The following ARFGAP3 variants were observed in gnomAD, a reference collection of about 807,000 sequenced individuals.
The protein encoded by ARFGAP3 is ARF GTPase activating protein 3, also known as ADP-ribosylation factor GTPase-activating protein 3.
In ARFGAP3, 72 loss-of-function variants were observed where a neutral mutation model predicts 75.0. That is an observed-to-expected ratio of 0.96 (90% CI 0.79 to 1.17). The LOEUF is 1.17. Ranked by LOEUF, ARFGAP3 falls within the 50% of genes most tolerant of loss-of-function variation. ARFGAP3 has a pLI of 0.00. For synonymous variants in ARFGAP3, 221 were observed against 217.9 expected (o/e 1.01, Z -0.13); for missense variants, 620 against 626.6 (o/e 0.99, Z 0.11).
Position 42,797,465 on chromosome 22 carries a change from T to C in ARFGAP3, c.*123A>G, listed in dbSNP as rs1197773963. 3 of 1,200,440 alleles carry C rather than the reference T, an allele frequency of 2.5e-6. No homozygotes were observed. Among genetic ancestry groups the C allele is most frequent in the Non-Finnish European group, 3.7e-6 (3 of 813,698 alleles). 74.4% of individuals were successfully genotyped at this position (1,200,440 alleles called of 1,614,324 possible). A position where few individuals can be genotyped will look rare whatever the true frequency, so the allele number is the denominator to read the frequency against. On this transcript the variant is annotated 3_prime_UTR_variant, in exon 16 of 16. Transcript: ENST00000263245. ...AGAAATATTAAAAATCAGAAACATA[T>C]ACCATATGAAAAAGTAGCAAAACAA...
chr22:42,834,102 T>A, intron 5 of ARFGAP3, 140 bp downstream of exon 5: 1 of 774,194 alleles, frequency 1.3e-6, no homozygotes, highest in Non-Finnish European at 2.1e-6. Context: ...TTGTTGATAA[T>A]GTCATTTCTC....
At chr22:42,849,137 A>C (rs574766088) in intron 1 of ARFGAP3, among the ~76,000 whole-genome samples, 20 of 152,190 alleles carry the variant, frequency 1.3e-4, no homozygotes, top group Non-Finnish European at 2.2e-4. Flanking sequence ...AGATGACCTC[A>C]GCCCTGGGCC....
chr22:42,801,130 G>A (rs1365109869), intron 14 of ARFGAP3, among the ~76,000 whole-genome samples: 1 of 152,218 alleles, frequency 6.6e-6, no homozygotes, highest in African/African-American at 2.4e-5. Flanking sequence ...GGCGGTGCCT[G>A]AGCATGAGGA....
intron 14 of ARFGAP3, 141 bp downstream of exon 14, chr22:42,806,932 G>T: frequency 2.4e-6 from 2 of 834,624 alleles, no homozygotes; most frequent in South Asian, 2.3e-5. Flanking sequence ...AGTAACTTCT[G>T]CTCTACCTGA....
intron 9 of ARFGAP3, 190 bp from the exon 10 acceptor site, chr22:42,818,047 G>A (rs1488823884): frequency 3.0e-6 from 1 of 328,996 alleles, no homozygotes. Flanking sequence ...AAATTTGAAT[G>A]AGCTTACAGC....
Position 42,835,218 on chromosome 22 carries a change from C to G in ARFGAP3, c.393+144G>C, listed in dbSNP as rs773500574. 12 of 886,964 alleles carry G rather than the reference C, an allele frequency of 1.4e-5. No individual in the cohort carries two copies. In the East Asian group the frequency reaches 3.3e-4, roughly 24 times the overall value. The allele number at this position is 886,964 out of a possible 1,614,324, so 54.9% of individuals were successfully genotyped here. A position where few individuals can be genotyped will look rare whatever the true frequency, so the allele number is the denominator to read the frequency against. ...CTCATGATGAATTTACAGAACATAA[C>G]TACTTCAATAGTAAGAATCTACTGT... On this transcript the variant is annotated intron_variant, in intron 4 of 15. Transcript: ENST00000263245.
chr22:42,805,056 C>G (rs555179467), intron 14 of ARFGAP3, among the ~76,000 whole-genome samples: 6 of 152,154 alleles, frequency 3.9e-5, no homozygotes, highest in East Asian at 1.9e-4. Context: ...GCTCAAGGCC[C>G]GGAGTTTGAG....
Position 42,823,693 on chromosome 22 carries a change from G to C in ARFGAP3, c.635C>G (p.Ser212Cys). 6.4e-7 allele frequency: 1 copy of C among 1,571,900 alleles called. No individual in the cohort carries two copies. Among genetic ancestry groups the C allele is most frequent in the Non-Finnish European group, 8.6e-7 (1 of 1,156,638 alleles). ...VPTKATLEVSSIIKKKPNQAK... is the reference protein window; with the variant it reads ...VPTKATLEVSCIIKKKPNQAK... The stretch of plus-strand genomic sequence containing the variant: ...TTGATTTGGTTTCTTTTTTATGATA[G>C]AGGATACCTCTGCCAAAAAATAAAA... Residue 212 changes from serine (S) to cysteine (C), a missense_variant, in exon 8 of 16, where the codon TCT becomes TGT. Ser to Cys is a moderately radical substitution (Grantham distance 112, BLOSUM62 -1). Transcript: ENST00000263245.
chr22:42,803,755 C>T (rs986525621), intron 14 of ARFGAP3, among the ~76,000 whole-genome samples: 7 of 152,166 alleles, frequency 4.6e-5, no homozygotes, highest in Admixed American at 1.3e-4. Context: ...AAGAGAGTGC[C>T]CGTAAGAACG....
chr22:42,849,038 G>A (rs1927151434), intron 1 of ARFGAP3, among the ~76,000 whole-genome samples: 2 of 152,284 alleles, frequency 1.3e-5, no homozygotes, highest in South Asian at 4.2e-4. Flanking sequence ...TTGCCCTGTG[G>A]AGAGGGTGAA....
chr22:42,823,288 G>C lies in ARFGAP3; in HGVS notation c.672+368C>G, dbSNP rs144032569. Among the ~76,000 whole-genome samples, 135 of 152,124 alleles carry C rather than the reference G, an allele frequency of 8.9e-4. 1 individual carries two copies. The East Asian group carries it at 0.022, about 25-fold the overall frequency. On this transcript the variant is annotated intron_variant, in intron 8 of 15. Coordinates refer to ENST00000263245, the MANE Select transcript of ARFGAP3 (RefSeq NM_014570.5). ...GATTCAAACCCTGCACCTGCCTCCA[G>C]AGCTGGTGCTCCGCAATGCTTCGCT...
chr22:42,822,138 T>G (rs1925837764), intron 9 of ARFGAP3, 132 bp downstream of exon 9: 1 of 747,620 alleles, frequency 1.3e-6, no homozygotes, highest in South Asian at 1.9e-5. Context: ...CAATATCAGT[T>G]TTCATAAAAC....
chr22:42,806,631 C>G (rs1225708456), intron 14 of ARFGAP3, among the ~76,000 whole-genome samples: 1 of 152,234 alleles, frequency 6.6e-6, no homozygotes, highest in Non-Finnish European at 1.5e-5. Flanking sequence ...ATTTAAGCCG[C>G]ATGACAACCT....
At chr22:42,803,651 C>T (rs1448788078) in intron 14 of ARFGAP3, among the ~76,000 whole-genome samples, 2 of 152,204 alleles carry the variant, frequency 1.3e-5, no homozygotes, top group African/African-American at 2.4e-5. Context: ...TGACCCTGTC[C>T]CATGGGTGTG....
At chr22:42,812,223 T>G (rs1480878583) in intron 11 of ARFGAP3, among the ~76,000 whole-genome samples, 21 of 16,332 alleles carry the variant, frequency 1.3e-3, no homozygotes, top group African/African-American at 0.012. Flanking sequence ...GGATACTGTC[T>G]CAAAAAAAAA....
intron 2 of ARFGAP3, chr22:42,847,183 T>A (rs80035026): frequency 1.1e-5 from 2 of 180,254 alleles, no homozygotes; most frequent in Non-Finnish European, 2.3e-5. Flanking sequence ...TTTTTTTTTT[T>A]AAGAGACAGG....
In ARFGAP3 at chr22:42,835,422, C is replaced by A. The variant is rs1926477101; in HGVS notation, c.333G>T (p.Gln111His). The change falls in exon 4 of 16, where the codon CAG becomes CAT. Residue 111 changes from glutamine to histidine, a missense_variant. Transcript: ENST00000263245. ...TNAKYNSRAA[Q>H]LYREKIKSLA... ...GCGATTTGATTTTCTCCCTATAGAG[C>A]TGAGCAGCACGACTGTTGTACTTGG... The A allele has an allele frequency of 1.9e-6, 3 of 1,614,044 alleles. No individual in the cohort carries two copies. In the African/African-American group the frequency reaches 4.0e-5, roughly 22 times the overall value.
At chr22:42,808,687 G>T in intron 13 of ARFGAP3, 80 bp downstream of exon 13, 1 of 1,242,746 alleles carries the variant, frequency 8.0e-7, no homozygotes, top group Non-Finnish European at 1.1e-6. Context: ...GCTCACTCAG[G>T]ATCTCCTCCC....
intron 14 of ARFGAP3, among the ~76,000 whole-genome samples, chr22:42,806,666 G>A (rs1035574810): frequency 3.3e-5 from 5 of 152,246 alleles, no homozygotes; most frequent in African/African-American, 9.6e-5. Flanking sequence ...ATCCACCCCC[G>A]TTACAGAGGA....
Sources: allele counts gnomAD v4.1 joint callset (sites outside exome capture counted in the v4.1 genomes callset), GRCh38; gene constraint gnomAD v4.1.1; transcripts MANE v1.5; gene names NCBI Gene and HGNC (gene_info 2026-07-23, HGNC 2026-07-21).